NETO1: variants seen among roughly 807,000 people sequenced by gnomAD.
NETO1 encodes the protein neuropilin and tolloid-like protein 1.
NETO1 carries 26 observed loss-of-function variants against 61.3 expected under a neutral mutation model. The observed-to-expected ratio is 0.42, with a 90% CI of 0.31 to 0.59. NETO1 has a LOEUF of 0.59. NETO1 is among the 20% of genes least tolerant of loss of function. NETO1 has a pLI of 0.12. For missense variants in NETO1, 531 were observed against 662.8 expected (o/e 0.80, Z 2.18); for synonymous variants, 225 against 225.8 (o/e 1.00, Z 0.03).
In NETO1 at chr18:72,744,271, A is replaced by G. The variant is rs1367696421; in HGVS notation, c.*3908T>C. On this transcript the variant is annotated 3_prime_UTR_variant, in exon 11 of 11. Transcript: ENST00000327305. ...ACAATTCAGTTAAATTTGTGGTACA[A>G]TTCAAACAAGTTTATTAATAAAATG... The G allele has an allele frequency of 6.6e-6, 1 of 152,194 alleles. No homozygotes were observed. Among genetic ancestry groups the G allele is most frequent in the African/African-American group, 2.4e-5 (1 of 41,448 alleles). 9.4% of individuals were successfully genotyped at this position (152,194 alleles called of 1,614,324 possible). A position where few individuals can be genotyped will look rare whatever the true frequency, so the allele number is the denominator to read the frequency against.
chr18:72,864,994 T>C, intron 2 of NETO1, 49 bp from the exon 3 acceptor site: 1 of 1,558,732 alleles, frequency 6.4e-7, no homozygotes, highest in Non-Finnish European at 8.6e-7. Context: ...TCCAATTTTC[T>C]ATTGTACTAA....
intron 6 of NETO1, among the ~76,000 whole-genome samples, chr18:72,788,469 T>A (rs1376382174): frequency 6.6e-6 from 1 of 152,142 alleles, no homozygotes. Context: ...TGAGTGACTA[T>A]CTCATTAGCT....
At chr18:72,851,280 G>A (rs1270760751) in intron 4 of NETO1, among the ~76,000 whole-genome samples, 4 of 152,108 alleles carry the variant, frequency 2.6e-5, no homozygotes, top group African/African-American at 4.8e-5. Flanking sequence ...GCGTGGTGGC[G>A]CATGCTTGTA....
chr18:72,749,950 A>C, intron 9 of NETO1, 112 bp downstream of exon 9: 4 of 834,144 alleles, frequency 4.8e-6, no homozygotes, highest in Non-Finnish European at 7.3e-6. Flanking sequence ...ACTAGGGTTT[A>C]AATCATTAAT....
Position 72,810,013 on chromosome 18 carries a change from A to G in NETO1, c.470-15609T>C, listed in dbSNP as rs117649345. 4.0e-3 allele frequency among the ~76,000 whole-genome samples: 603 copies of G among 152,348 alleles called. 2 individuals are homozygous for G. Among genetic ancestry groups the G allele is most frequent in the Middle Eastern group, 0.017 (5 of 294 alleles). On this transcript the variant is annotated intron_variant, in intron 4 of 10. Transcript: ENST00000327305. ...AACCAAGCTAATCTAAATATGTATG[A>G]AACTTTTTCTAAAAAAATAAAACAT...
intron 4 of NETO1, among the ~76,000 whole-genome samples, chr18:72,803,929 T>C (rs2072591517): frequency 6.6e-6 from 1 of 152,126 alleles, no homozygotes; most frequent in African/African-American, 2.4e-5. Context: ...TCATAACAGA[T>C]TTAATGCATA....
chr18:72,829,702 A>T (rs2073510404), intron 4 of NETO1, among the ~76,000 whole-genome samples: 3 of 152,196 alleles, frequency 2.0e-5, no homozygotes, highest in Non-Finnish European at 4.4e-5. Flanking sequence ...GAATAATAAG[A>T]ACAGAATAAA....
chr18:72,784,021 A>T (rs1283789672), intron 6 of NETO1, 115 bp from the exon 7 acceptor site: 2 of 695,824 alleles, frequency 2.9e-6, no homozygotes, highest in Non-Finnish European at 2.4e-6. Context: ...AATCAATCTT[A>T]TTATTTTCCC....
intron 6 of NETO1, among the ~76,000 whole-genome samples, chr18:72,786,935 G>C (rs73469685): frequency 6.6e-6 from 1 of 151,106 alleles, no homozygotes; most frequent in African/African-American, 2.4e-5. Context: ...AACAAAAAAG[G>C]CTGGAGCAAA....
At chr18:72,841,811 A>G (rs951773984) in intron 4 of NETO1, among the ~76,000 whole-genome samples, 1 of 150,746 alleles carries the variant, frequency 6.6e-6, no homozygotes. Context: ...TCACAGGTCC[A>G]TCTTGCTTTC....
chr18:72,828,088 G>A (rs549030228), intron 4 of NETO1, among the ~76,000 whole-genome samples: 5 of 145,210 alleles, frequency 3.4e-5, no homozygotes, highest in South Asian at 2.2e-4. Context: ...CAAGGCCAGC[G>A]GATCACCTGA....
At chr18:72,766,220 A>ATATGTGTGTGTGTGTG (rs1491565058) in intron 7 of NETO1, among the ~76,000 whole-genome samples, 1 of 144,762 alleles carries the variant, frequency 6.9e-6, no homozygotes, top group African/African-American at 2.6e-5. Flanking sequence ...AAAAAAAAAT[A>ATATGTGTGTGTGTGTG]TGTGTGTGTG....
chr18:72,794,271 C>G, intron 5 of NETO1, 27 bp from the exon 6 acceptor site: 2 of 1,613,944 alleles, frequency 1.2e-6, no homozygotes, highest in Non-Finnish European at 1.7e-6. Flanking sequence ...CAAACAAACA[C>G]ACAAAAACGG....
chr18:72,812,230 C>T (rs1278934027), intron 4 of NETO1, among the ~76,000 whole-genome samples: 1 of 152,236 alleles, frequency 6.6e-6, no homozygotes, highest in Non-Finnish European at 1.5e-5. Context: ...ACTGTTTAGT[C>T]AGTGGAGAGT....
At chr18:72,832,712 T>C (rs1321468190) in intron 4 of NETO1, among the ~76,000 whole-genome samples, 1 of 152,196 alleles carries the variant, frequency 6.6e-6, no homozygotes, top group Non-Finnish European at 1.5e-5. Flanking sequence ...CTCATTTGTA[T>C]AGGCTGCTAT....
intron 4 of NETO1, 136 bp downstream of exon 4, chr18:72,858,690 A>C: frequency 1.2e-6 from 1 of 863,546 alleles, no homozygotes; most frequent in Non-Finnish European, 1.7e-6. Context: ...GAAAAGAAAA[A>C]GCACTGTAGA....
chr18:72,821,234 TAAA>T (rs10672110), intron 4 of NETO1, among the ~76,000 whole-genome samples: 31 of 80,218 alleles, frequency 3.9e-4, no homozygotes, highest in African/African-American at 7.6e-4. Context: ...TCATATTAAC[TAAA>T]AAAAAAAAAA....
chr18:72,809,191 T>C (rs1297158018), intron 4 of NETO1, among the ~76,000 whole-genome samples: 2 of 152,094 alleles, frequency 1.3e-5, no homozygotes, highest in African/African-American at 2.4e-5. Context: ...CTGACGCAGA[T>C]AGGTAGAAAT....
intron 4 of NETO1, among the ~76,000 whole-genome samples, chr18:72,846,504 C>CAAAAAAAAAAAAAAAAAAA (rs35252443): frequency 1.5e-4 from 2 of 13,000 alleles, no homozygotes; most frequent in Non-Finnish European, 2.6e-4. Context: ...GACTTCATCT[C>CAAAAAAAAAAAAAAAAAAA]AAAAAAAAAA....
Sources: gnomAD v4.1 joint callset for allele counts (sites outside exome capture counted in the v4.1 genomes callset) on GRCh38, gnomAD v4.1.1 for gene constraint, MANE v1.5 for transcripts, NCBI Gene and HGNC (gene_info 2026-07-23, HGNC 2026-07-21) for gene names.